Variants in BRI3BP observed in about 807,000 individuals in gnomAD.
BRI3BP encodes BRI3-binding protein.
In BRI3BP, 7 loss-of-function variants were observed where a neutral mutation model predicts 15.8. That is an observed-to-expected ratio of 0.44 (90% CI 0.25 to 0.83). The LOEUF (loss-of-function observed/expected upper bound fraction) is 0.83, where lower values mean the gene tolerates loss of function less well. BRI3BP is among the 40% of genes least tolerant of loss of function. BRI3BP has a pLI of 0.20. For missense variants in BRI3BP, 320 were observed against 339.3 expected, an observed-to-expected ratio of 0.94 and a Z score of 0.45; for synonymous variants, 192 against 163.5, an observed-to-expected ratio of 1.17 and a Z score of -1.33.
rs1367949442 is a variant in BRI3BP at position 125,019,641 on chromosome 12, T to C, written c.317-5350T>C. 2.3e-4 allele frequency among the ~76,000 whole-genome samples: 11 copies of C among 48,668 alleles called. 1 individual carries two copies. In the East Asian group the frequency reaches 0.017, roughly 73 times the overall value. 31.9% of individuals were successfully genotyped at this position (48,668 alleles called of 152,430 possible). On this transcript the variant is annotated intron_variant, in intron 2 of 2. Transcript: ENST00000341446. ...TATTAACATTAATTCCACCCTTTTT[T>C]TTTTTTTTTTTTTTTTGCCTTTTTT...
Position 125,025,705 on chromosome 12 carries a change from A to G in BRI3BP, c.*275A>G. On this transcript the variant is annotated 3_prime_UTR_variant, in exon 3 of 3. Transcript: ENST00000341446. The stretch of plus-strand genomic sequence containing the variant: ...TATAACCATATTTAGTTGTACAGTA[A>G]GAGAAATTTATCTGTGCATAGAGCA... 2.6e-6 allele frequency: 1 copy of G among 387,860 alleles called. No individual in the cohort carries two copies. Among genetic ancestry groups the G allele is most frequent in the Admixed American group, 4.2e-5 (1 of 23,810 alleles). The allele number at this position is 387,860 out of a possible 1,614,324, so 24.0% of individuals were successfully genotyped here.
At chr12:124,996,637 T>A (rs1489611576) in intron 1 of BRI3BP, among the ~76,000 whole-genome samples, 1 of 151,738 alleles carries the variant, frequency 6.6e-6, no homozygotes, top group Admixed American at 6.6e-5. Flanking sequence ...GTTTTGTGAA[T>A]TTTAAATAAA....
chr12:125,032,888 C>A (rs189637517), downstream of BRI3BP, among the ~76,000 whole-genome samples: 1 of 152,278 alleles, frequency 6.6e-6, no homozygotes, highest in East Asian at 1.9e-4. Context: ...ATGTCAAGTA[C>A]AAGAGGAATG....
chr12:125,004,005 CACACAAT>C (rs1207930787), intron 1 of BRI3BP, among the ~76,000 whole-genome samples: 5 of 133,398 alleles, frequency 3.7e-5, no homozygotes, highest in Non-Finnish European at 8.2e-5. Context: ...ACACACACAA[CACACAAT>C]ACCATCATTA....
chr12:125,006,426 C>T (rs528616334), intron 1 of BRI3BP, among the ~76,000 whole-genome samples: 1 of 152,308 alleles, frequency 6.6e-6, no homozygotes, highest in South Asian at 2.1e-4. Context: ...GGGACAGGTG[C>T]CGTTCTTTCC....
downstream of BRI3BP, among the ~76,000 whole-genome samples, chr12:125,034,173 A>G (rs1289494235): frequency 6.6e-6 from 1 of 151,880 alleles, no homozygotes; most frequent in Non-Finnish European, 1.5e-5. Flanking sequence ...CAGCCTCCCA[A>G]GTAGCTGGGA....
At chr12:124,997,001 C>T (rs895430308) in intron 1 of BRI3BP, among the ~76,000 whole-genome samples, 27 of 150,306 alleles carry the variant, frequency 1.8e-4, no homozygotes, top group South Asian at 6.3e-4. Flanking sequence ...CCTCGTAATC[C>T]GCCCTCCTCA....
intron 2 of BRI3BP, among the ~76,000 whole-genome samples, chr12:125,014,842 C>G (rs1315862067): frequency 6.6e-6 from 1 of 152,110 alleles, no homozygotes; most frequent in African/African-American, 2.4e-5. Context: ...AATCACAGCT[C>G]ACTACAGCCT....
At chr12:125,032,873 G>A (rs888596159), downstream of BRI3BP, among the ~76,000 whole-genome samples, 1 of 152,226 alleles carries the variant, frequency 6.6e-6, no homozygotes, top group Non-Finnish European at 1.5e-5. Flanking sequence ...TGGGGATTAA[G>A]AGGAATGTCA....
At position 125,028,474 on chromosome 12, in the gene BRI3BP, A is replaced by G. The variant is rs1027004812; in HGVS notation, c.*3044A>G. On this transcript the variant is annotated 3_prime_UTR_variant, in exon 3 of 3. Transcript: ENST00000341446. ...ATTGAGACCTCAAGCATCAATTCAAAATTGCTGTCGAAAATATGCACTATT... is the reference window on the plus strand; with the variant it reads ...ATTGAGACCTCAAGCATCAATTCAAGATTGCTGTCGAAAATATGCACTATT... The G allele has an allele frequency of 3.9e-5, 6 of 152,198 alleles. No homozygotes were observed. The highest frequency in any genetic ancestry group is 1.4e-4 in the African/African-American group (6 of 41,456). 9.4% of individuals were successfully genotyped at this position (152,198 alleles called of 1,614,324 possible).
chr12:125,010,185 G>A (rs901628745), intron 1 of BRI3BP, among the ~76,000 whole-genome samples: 1 of 152,082 alleles, frequency 6.6e-6, no homozygotes. Context: ...CATTTCACGT[G>A]AATATCCCAT....
chr12:124,998,747 A>G (rs1485490548), intron 1 of BRI3BP, among the ~76,000 whole-genome samples: 2 of 152,148 alleles, frequency 1.3e-5, no homozygotes, highest in African/African-American at 4.8e-5. Flanking sequence ...TAAAATGGTT[A>G]AAATGGCCAA....
At chr12:125,014,713 A>C (rs1955227468) in intron 2 of BRI3BP, among the ~76,000 whole-genome samples, 1 of 152,208 alleles carries the variant, frequency 6.6e-6, no homozygotes, top group South Asian at 2.1e-4. Context: ...TCAACAGCCT[A>C]GGCCTGGCAT....
At chr12:125,000,470 C>T (rs1288980029) in intron 1 of BRI3BP, among the ~76,000 whole-genome samples, 4 of 151,838 alleles carry the variant, frequency 2.6e-5, no homozygotes, top group South Asian at 4.2e-4. Flanking sequence ...CCCACCACCA[C>T]GCCCGGCTAA....
At chr12:125,033,241 T>C (rs1565909454), downstream of BRI3BP, among the ~76,000 whole-genome samples, 1 of 152,044 alleles carries the variant, frequency 6.6e-6, no homozygotes, top group Non-Finnish European at 1.5e-5. Context: ...AAAATGTAGA[T>C]TTGGGCTGGG....
intron 2 of BRI3BP, among the ~76,000 whole-genome samples, chr12:125,023,048 A>G (rs1466823759): frequency 2.6e-5 from 4 of 152,208 alleles, no homozygotes; most frequent in African/African-American, 7.2e-5. Flanking sequence ...AATTTCTTCA[A>G]GTCAGGCACA....
downstream of BRI3BP, among the ~76,000 whole-genome samples, chr12:125,033,749 G>GTT (rs112871732): frequency 1.4e-5 from 2 of 144,888 alleles, no homozygotes; most frequent in Non-Finnish European, 3.0e-5. Flanking sequence ...GTTTTTTTTT[G>GTT]TTTTTTTTTT....
chr12:125,042,401 T>A, the BRI3BP span, among the ~76,000 whole-genome samples: 1 of 152,232 alleles, frequency 6.6e-6, no homozygotes, highest in Admixed American at 6.5e-5. Context: ...TGCAAGTTGT[T>A]GGACTTAGTG....
intron 2 of BRI3BP, among the ~76,000 whole-genome samples, chr12:125,024,043 C>T (rs1167983798): frequency 3.3e-5 from 5 of 152,270 alleles, no homozygotes; most frequent in East Asian, 3.9e-4. Context: ...TGCACTCCAA[C>T]CTCAAAAACA....
Sources: allele counts gnomAD v4.1 joint callset (sites outside exome capture counted in the v4.1 genomes callset), GRCh38; gene constraint gnomAD v4.1.1; transcripts MANE v1.5; gene names NCBI Gene and HGNC (gene_info 2026-07-23, HGNC 2026-07-21).